Variants in RAP1GAP2 observed in about 807,000 individuals in gnomAD.
RAP1GAP2 encodes the protein RAP1 GTPase activating protein 2.
In RAP1GAP2, 27 loss-of-function variants were observed where a neutral mutation model predicts 95.0. The observed-to-expected ratio is 0.28, with a 90% CI of 0.21 to 0.39. The LOEUF is 0.39. Ranked by LOEUF, RAP1GAP2 falls within the 10% of genes least tolerant of loss-of-function variation. The probability of loss-of-function intolerance (pLI) is 1.00; values close to 1 mark genes in which losing one functional copy is unlikely to be tolerated. For missense variants in RAP1GAP2, 771 were observed against 970.0 expected (o/e 0.79, Z 2.72); for synonymous variants, 373 against 380.9 (o/e 0.98, Z 0.24).
intron 3 of RAP1GAP2, among the ~76,000 whole-genome samples, chr17:2,927,522 CTT>C (rs199570110): frequency 0.014 from 2,074 of 152,260 alleles, 19 homozygotes; most frequent in Non-Finnish European, 0.023. Context: ...TACAGAGACT[CTT>C]TTGATCACAC....
chr17:3,031,719 G>C (rs2047310004), intron 23 of RAP1GAP2, among the ~76,000 whole-genome samples: 1 of 142,186 alleles, frequency 7.0e-6, no homozygotes, highest in African/African-American at 2.7e-5. Context: ...TGTGAGGTGG[G>C]AAGGGCTGGT....
chr17:2,810,562 G>A (rs373347711), intron 2 of RAP1GAP2, among the ~76,000 whole-genome samples: 135 of 111,160 alleles, frequency 1.2e-3, no homozygotes, highest in African/African-American at 4.6e-3. Flanking sequence ...ACGGAGTCTC[G>A]CTCTGTCACC....
rs768476208 is a variant in RAP1GAP2 at position 2,796,543 on chromosome 17, C to T, written c.16C>T (p.Arg6Cys). 27 of 1,564,184 alleles carry T rather than the reference C, an allele frequency of 1.7e-5. No homozygotes were observed. Among genetic ancestry groups the T allele is most frequent in the East Asian group, 2.4e-5 (1 of 42,068 alleles). The change falls in exon 1 of 25, where the codon CGC becomes TGC. Residue 6 changes from arginine to cysteine, a missense_variant. By Grantham distance (180) the Arg-to-Cys change is radical (BLOSUM62 -3). Coordinates refer to ENST00000254695, the MANE Select transcript of RAP1GAP2 (RefSeq NM_015085.5). The surrounding 1 kb of genome is among the most constrained non-coding windows in gnomAD (Gnocchi z 4.7). Reference sequence around the variant, plus strand: ...AGCCACAACCATGTTTGGCCGGAAGCGCAGTGTCTCCTTTGGGGGCTTCGG... The same window carrying T: ...AGCCACAACCATGTTTGGCCGGAAGTGCAGTGTCTCCTTTGGGGGCTTCGG... MFGRK[R>C]SVSFGGFGWI...
At chr17:2,819,404 C>G (rs1388748092) in intron 2 of RAP1GAP2, among the ~76,000 whole-genome samples, 1 of 151,674 alleles carries the variant, frequency 6.6e-6, no homozygotes, top group African/African-American at 2.4e-5. Flanking sequence ...CAACCTCTGC[C>G]TCCTGGGTAC....
At chr17:2,888,975 C>G (rs773078248) in intron 2 of RAP1GAP2, among the ~76,000 whole-genome samples, 4 of 152,024 alleles carry the variant, frequency 2.6e-5, no homozygotes, top group Non-Finnish European at 5.9e-5. Flanking sequence ...ACCACCTTTT[C>G]TTTGTACATT....
chr17:2,783,133 G>A (rs566726338), intron 1 of RAP1GAP2, among the ~76,000 whole-genome samples: 10 of 152,262 alleles, frequency 6.6e-5, no homozygotes, highest in African/African-American at 2.2e-4. Flanking sequence ...TGATGGAGCC[G>A]GGTTCTGAAC....
chr17:2,847,328 A>G (rs931697507), intron 2 of RAP1GAP2, among the ~76,000 whole-genome samples: 4 of 152,166 alleles, frequency 2.6e-5, no homozygotes, highest in Non-Finnish European at 5.9e-5. Context: ...TTTAAAGGAC[A>G]ACAGCATTTG....
intron 3 of RAP1GAP2, among the ~76,000 whole-genome samples, chr17:2,921,350 G>A (rs1022846692): frequency 6.6e-6 from 1 of 151,874 alleles, no homozygotes; most frequent in East Asian, 1.9e-4. Context: ...TACAGGCACC[G>A]GCCACCACAC....
At chr17:2,863,381 T>A (rs756516092) in intron 2 of RAP1GAP2, among the ~76,000 whole-genome samples, 5 of 152,104 alleles carry the variant, frequency 3.3e-5, no homozygotes, top group African/African-American at 7.2e-5. Flanking sequence ...TCCAGCCAAG[T>A]CCTTTCCAGA....
At chr17:2,972,666 AG>A (rs1203144866) in intron 8 of RAP1GAP2, among the ~76,000 whole-genome samples, 1 of 151,592 alleles carries the variant, frequency 6.6e-6, no homozygotes. Context: ...AAAAAAGGGT[AG>A]GGGCCAATAT....
intron 2 of RAP1GAP2, among the ~76,000 whole-genome samples, chr17:2,875,127 T>C (rs1031773939): frequency 2.0e-5 from 3 of 152,104 alleles, no homozygotes; most frequent in Non-Finnish European, 4.4e-5. Flanking sequence ...AGTGCAATGG[T>C]GCGATCTCGG....
At chr17:2,758,418 C>T (rs1466996648) in intron 1 of RAP1GAP2, among the ~76,000 whole-genome samples, 1 of 152,128 alleles carries the variant, frequency 6.6e-6, no homozygotes, top group Non-Finnish European at 1.5e-5. Flanking sequence ...TGTGATCCGC[C>T]TGCCTCAGCC....
intron 11 of RAP1GAP2, among the ~76,000 whole-genome samples, chr17:2,986,869 T>A (rs1417191992): frequency 6.6e-6 from 1 of 152,202 alleles, no homozygotes; most frequent in Non-Finnish European, 1.5e-5. Context: ...GGAGATGTAG[T>A]TTGCCTGGAA....
intron 2 of RAP1GAP2, among the ~76,000 whole-genome samples, chr17:2,831,193 T>C (rs541863473): frequency 2.4e-4 from 35 of 146,452 alleles, no homozygotes; most frequent in Non-Finnish European, 3.9e-4. Flanking sequence ...TCTCCTGCCT[T>C]AGCCTCCCGA....
Position 2,974,740 on chromosome 17 carries a change from A to G in RAP1GAP2, c.597-5547A>G, listed in dbSNP as rs567248606. Among the ~76,000 whole-genome samples, 3 of 152,278 alleles carry G rather than the reference A, an allele frequency of 2.0e-5. No homozygotes were observed. The East Asian group carries it at 5.8e-4, about 29-fold the overall frequency. On this transcript the variant is annotated intron_variant, in intron 8 of 24. Transcript: ENST00000254695. ...TGTGCCCCTCAGGAGAGAGAATACA[A>G]TCTTAGAGTTTGATGAAAAAAATAT... is the stretch of plus-strand genomic sequence containing the variant.
chr17:2,912,351 T>A (rs959822012), intron 3 of RAP1GAP2, among the ~76,000 whole-genome samples: 1 of 152,168 alleles, frequency 6.6e-6, no homozygotes, highest in Non-Finnish European at 1.5e-5. Context: ...CCGGCCTGAT[T>A]TCGTCTCTTC....
intron 2 of RAP1GAP2, among the ~76,000 whole-genome samples, chr17:2,858,192 A>C (rs1205577902): frequency 1.3e-5 from 2 of 152,208 alleles, no homozygotes; most frequent in Non-Finnish European, 2.9e-5. Flanking sequence ...AGCATAAATG[A>C]AAACAAGTCC....
chr17:2,911,260 A>ATTTTTTTTTTTTTTT (rs34227127), intron 3 of RAP1GAP2, among the ~76,000 whole-genome samples: 2,361 of 131,430 alleles, frequency 0.018, 148 homozygotes, highest in African/African-American at 0.066. Context: ...TTTGAAGGGG[A>ATTTTTTTTTTTTTTT]TTTTTTTTTT....
At chr17:2,891,690 G>A (rs1160297359) in intron 2 of RAP1GAP2, among the ~76,000 whole-genome samples, 2 of 151,318 alleles carry the variant, frequency 1.3e-5, no homozygotes, top group South Asian at 2.1e-4. Flanking sequence ...TAGTTTGCCT[G>A]GGTGTGAAAT....
Sources: allele counts gnomAD v4.1 joint callset (sites outside exome capture counted in the v4.1 genomes callset), GRCh38; gene constraint gnomAD v4.1.1; non-coding constraint Gnocchi (gnomAD v3.1); transcripts MANE v1.5; gene names NCBI Gene and HGNC (gene_info 2026-07-23, HGNC 2026-07-21).